Variants in SUN1 observed in about 807,000 individuals in gnomAD.
The protein encoded by SUN1 is SUN domain-containing protein 1.
SUN1 carries 61 observed loss-of-function variants against 103.2 expected under a neutral mutation model. That is an observed-to-expected ratio of 0.59 (90% CI 0.48 to 0.73). The LOEUF (loss-of-function observed/expected upper bound fraction) is 0.73, where lower values mean the gene tolerates loss of function less well. Among genes scored for constraint, SUN1 ranks in the 30% least tolerant of loss-of-function variants. The pLI is 0.00. For synonymous variants in SUN1, 490 were observed against 425.7 expected (o/e 1.15, Z -1.86); for missense variants, 1,052 against 1,034.6 (o/e 1.02, Z -0.23).
intron 16 of SUN1, among the ~76,000 whole-genome samples, chr7:867,163 G>A (rs61658148): frequency 3.9e-5 from 6 of 152,212 alleles, no homozygotes; most frequent in East Asian, 3.9e-4. Context: ...TCCGGTCAGC[G>A]TGACTGTTTG....
At chr7:840,059 A>G (rs1011309629) in intron 2 of SUN1, among the ~76,000 whole-genome samples, 5 of 152,214 alleles carry the variant, frequency 3.3e-5, no homozygotes, top group African/African-American at 9.6e-5. Flanking sequence ...TATGTTGCTC[A>G]TGTAAGAATA....
chr7:849,559 T>C (rs745842225), intron 5 of SUN1: 6 of 1,406,674 alleles, frequency 4.3e-6, no homozygotes, highest in Admixed American at 3.7e-5. Context: ...GTGAGAGAGG[T>C]TCTCAGAGAG....
chr7:837,568 T>G (rs1804683915), intron 1 of SUN1, among the ~76,000 whole-genome samples: 1 of 152,218 alleles, frequency 6.6e-6, no homozygotes, highest in Non-Finnish European at 1.5e-5. Context: ...CTTCAGAGTT[T>G]TTGTCAGTCT....
In SUN1 at chr7:874,491, ATGT is replaced by A. The variant is rs1305904885; in HGVS notation, c.*1164_*1166del. 1 of 152,630 alleles carries A rather than the reference ATGT, an allele frequency of 6.6e-6. No individual in the cohort carries two copies. The highest frequency in any genetic ancestry group is 1.5e-5 in the Non-Finnish European group (1 of 68,042). The allele number at this position is 152,630 out of a possible 1,614,324, so 9.5% of individuals were successfully genotyped here. ...TAAGACAGTTTTCAGTGTACCGTAA[ATGT>A]TGTGTTTTCAGAAAAAGACAAAACG... On this transcript the variant is annotated 3_prime_UTR_variant, in exon 19 of 19. Transcript: ENST00000401592.
chr7:837,087 A>G (rs566024945), intron 1 of SUN1, among the ~76,000 whole-genome samples: 6 of 152,342 alleles, frequency 3.9e-5, no homozygotes, highest in African/African-American at 9.6e-5. Context: ...GAAAGCGTCT[A>G]GGCCCACCCT....
chr7:843,671 CT>C, intron 5 of SUN1, 151 bp downstream of exon 5: 1 of 1,491,584 alleles, frequency 6.7e-7, no homozygotes, highest in Non-Finnish European at 8.9e-7. Context: ...CAGCTTTGTC[CT>C]TCCTGTCCTC....
chr7:851,143 C>T (rs1219293918), intron 5 of SUN1: 1 of 318,914 alleles, frequency 3.1e-6, no homozygotes, highest in African/African-American at 2.1e-5. Context: ...CCTGAAGTAT[C>T]TGCAGGCAGA....
rs1194526911 is a variant in SUN1 at position 852,980 on chromosome 7, G to A, written c.1053+28G>A. On this transcript the variant is annotated intron_variant, in intron 9 of 18. Coordinates refer to ENST00000401592, the MANE Select transcript of SUN1 (RefSeq NM_001130965.3). ...AAGAGGGTAGAAAGGCCTCTCAGCTGGCACTGCACATGTGAGGTCTTCAGG... is the reference window on the plus strand; with the variant it reads ...AAGAGGGTAGAAAGGCCTCTCAGCTAGCACTGCACATGTGAGGTCTTCAGG... 2.5e-6 allele frequency: 4 copies of A among 1,599,114 alleles called. No homozygotes were observed. In the Admixed American group the frequency reaches 6.9e-5, roughly 27 times the overall value.
At chr7:823,056 A>C (rs1054372105) in intron 1 of SUN1, among the ~76,000 whole-genome samples, 1 of 152,240 alleles carries the variant, frequency 6.6e-6, no homozygotes, top group African/African-American at 2.4e-5. Context: ...TCCGGAGCGT[A>C]GTCAGGTAAG....
At chr7:825,569 T>C (rs1353932730) in intron 1 of SUN1, among the ~76,000 whole-genome samples, 1 of 152,232 alleles carries the variant, frequency 6.6e-6, no homozygotes, top group African/African-American at 2.4e-5. Context: ...TCAAATATTT[T>C]TAGGTTGTAG....
At chr7:867,027 C>T (rs1299897221) in intron 16 of SUN1, among the ~76,000 whole-genome samples, 4 of 152,188 alleles carry the variant, frequency 2.6e-5, no homozygotes, top group African/African-American at 4.8e-5. Flanking sequence ...AACGCCAAGA[C>T]GGCTTTCACT....
intron 2 of SUN1, among the ~76,000 whole-genome samples, chr7:841,404 C>T (rs562109821): frequency 4.6e-5 from 7 of 151,856 alleles, no homozygotes; most frequent in South Asian, 2.1e-4. Flanking sequence ...CCAACACGCC[C>T]GGCTAATTTT....
At chr7:862,691 G>A (rs1013204601) in intron 15 of SUN1, among the ~76,000 whole-genome samples, 1 of 152,214 alleles carries the variant, frequency 6.6e-6, no homozygotes, top group African/African-American at 2.4e-5. Context: ...TTACAGGTTT[G>A]TGTGTACCTC....
At chr7:817,897 C>T (rs541601289) in intron 1 of SUN1, among the ~76,000 whole-genome samples, 2 of 152,136 alleles carry the variant, frequency 1.3e-5, no homozygotes, top group South Asian at 2.1e-4. Context: ...ATTTTCTTGT[C>T]TTTCTCCCAT....
intron 16 of SUN1, 122 bp from the exon 17 acceptor site, chr7:869,227 A>C: frequency 8.0e-7 from 1 of 1,250,952 alleles, no homozygotes; most frequent in Non-Finnish European, 1.1e-6. Context: ...GATTTTGCTC[A>C]TGGCAGTTTC....
intron 5 of SUN1, among the ~76,000 whole-genome samples, chr7:846,307 CCATGT>C (rs1815673588): frequency 6.6e-6 from 1 of 152,198 alleles, no homozygotes; most frequent in Non-Finnish European, 1.5e-5. Flanking sequence ...CGGGGTTCCA[CCATGT>C]TGGCCAGGCT....
intron 16 of SUN1, among the ~76,000 whole-genome samples, chr7:867,100 A>C (rs763561116): frequency 2.6e-5 from 4 of 152,200 alleles, no homozygotes; most frequent in Non-Finnish European, 4.4e-5. Context: ...GTTGAGGATC[A>C]CATGGGACTG....
intron 13 of SUN1, among the ~76,000 whole-genome samples, chr7:859,364 G>C (rs1025480898): frequency 6.6e-6 from 1 of 152,140 alleles, no homozygotes; most frequent in African/African-American, 2.4e-5. Flanking sequence ...AAAATCTTAG[G>C]ATATTAACCA....
At chr7:839,170 G>A (rs1806522969) in intron 2 of SUN1, 184 bp downstream of exon 2, 1 of 531,938 alleles carries the variant, frequency 1.9e-6, no homozygotes, top group Non-Finnish European at 3.1e-6. Flanking sequence ...AGACTGAAAG[G>A]AACTCTGGAA....
Sources: gnomAD v4.1 joint callset for allele counts (sites outside exome capture counted in the v4.1 genomes callset) on GRCh38, gnomAD v4.1.1 for gene constraint, MANE v1.5 for transcripts, NCBI Gene and HGNC (gene_info 2026-07-23, HGNC 2026-07-21) for gene names.